HS3ST4: variants seen among roughly 807,000 people sequenced by gnomAD.
HS3ST4 encodes the protein heparan sulfate-glucosamine 3-sulfotransferase 4.
In HS3ST4, 17 loss-of-function variants were observed where a neutral mutation model predicts 29.2. That is an observed-to-expected ratio of 0.58 (90% confidence interval 0.40 to 0.87). The LOEUF (loss-of-function observed/expected upper bound fraction) is 0.87, where lower values mean the gene tolerates loss of function less well. Ranked by LOEUF, HS3ST4 falls within the 40% of genes least tolerant of loss-of-function variation. HS3ST4 has a pLI of 0.00. For missense variants in HS3ST4, 627 were observed against 634.5 expected, an observed-to-expected ratio of 0.99 and a Z score of 0.13; for synonymous variants, 314 against 285.7, an observed-to-expected ratio of 1.10 and a Z score of -1.00.
chr16:26,006,300 G>GAAAAAA (rs11461863), intron 1 of HS3ST4, among the ~76,000 whole-genome samples: 3 of 68,662 alleles, frequency 4.4e-5, no homozygotes, highest in African/African-American at 1.2e-4. Flanking sequence ...CTCTGTTTCA[G>GAAAAAA]AAAAAAAAAA....
chr16:26,043,563 T>A (rs1459822279), intron 1 of HS3ST4, among the ~76,000 whole-genome samples: 1 of 152,140 alleles, frequency 6.6e-6, no homozygotes, highest in Non-Finnish European at 1.5e-5. Context: ...CTAGTGAGGA[T>A]TAAGTGAGGT....
chr16:25,762,123 A>G (rs944362928), intron 1 of HS3ST4, among the ~76,000 whole-genome samples: 1 of 152,134 alleles, frequency 6.6e-6, no homozygotes, highest in Non-Finnish European at 1.5e-5. Context: ...CCATAAGAGG[A>G]TGTAACCGAG....
chr16:25,712,083 T>C (rs1394441581), intron 1 of HS3ST4, among the ~76,000 whole-genome samples: 1 of 152,222 alleles, frequency 6.6e-6, no homozygotes, highest in African/African-American at 2.4e-5. Context: ...CTTTTACGTT[T>C]ATAAAAATGA....
intron 1 of HS3ST4, among the ~76,000 whole-genome samples, chr16:26,072,808 C>T (rs1898616714): frequency 6.6e-6 from 1 of 152,080 alleles, no homozygotes; most frequent in African/African-American, 2.4e-5. Flanking sequence ...TGAAGAAAAT[C>T]AGAAAAATTT....
At chr16:25,893,656 G>T (rs1397866969) in intron 1 of HS3ST4, among the ~76,000 whole-genome samples, 2 of 152,184 alleles carry the variant, frequency 1.3e-5, no homozygotes, top group African/African-American at 4.8e-5. Flanking sequence ...GACCCAGTTG[G>T]GGTCATATAC....
At chr16:25,926,901 A>G (rs966236864) in intron 1 of HS3ST4, among the ~76,000 whole-genome samples, 9 of 151,772 alleles carry the variant, frequency 5.9e-5, no homozygotes, top group Non-Finnish European at 1.0e-4. Flanking sequence ...GTTAGCAAGC[A>G]CCCCCATTTT....
chr16:25,954,144 C>T (rs1968705774), intron 1 of HS3ST4, among the ~76,000 whole-genome samples: 1 of 152,188 alleles, frequency 6.6e-6, no homozygotes, highest in African/African-American at 2.4e-5. Context: ...TGCTTTGCTC[C>T]TTGCTGACTG....
At chr16:25,747,517 A>G (rs1420234263) in intron 1 of HS3ST4, among the ~76,000 whole-genome samples, 2 of 152,196 alleles carry the variant, frequency 1.3e-5, no homozygotes, top group African/African-American at 4.8e-5. Context: ...AGCTACCCTC[A>G]CTGGCATAGC....
intron 1 of HS3ST4, chr16:25,826,124 A>G (rs1002835777): frequency 6.6e-6 from 1 of 152,212 alleles, no homozygotes; most frequent in Non-Finnish European, 1.5e-5. Context: ...GTTTTTTCCT[A>G]GAACTTGCTC....
At chr16:26,075,838 AT>A (rs1175140081) in intron 1 of HS3ST4, among the ~76,000 whole-genome samples, 1 of 152,166 alleles carries the variant, frequency 6.6e-6, no homozygotes, top group African/African-American at 2.4e-5. Context: ...AATATTGGAC[AT>A]CCCCTTTTTT....
intron 1 of HS3ST4, among the ~76,000 whole-genome samples, chr16:25,938,266 G>GT (rs1968536951): frequency 6.6e-6 from 1 of 152,182 alleles, no homozygotes; most frequent in East Asian, 1.9e-4. Flanking sequence ...AAGCTCTCCG[G>GT]AACAGCTGGG....
At chr16:26,092,331 A>G (rs1385002786) in intron 1 of HS3ST4, among the ~76,000 whole-genome samples, 1 of 152,148 alleles carries the variant, frequency 6.6e-6, no homozygotes, top group Non-Finnish European at 1.5e-5. Context: ...ACTTGACCAA[A>G]GAGAAACATG....
chr16:25,783,643 G>T (rs938566919), intron 1 of HS3ST4, among the ~76,000 whole-genome samples: 2 of 152,064 alleles, frequency 1.3e-5, no homozygotes, highest in African/African-American at 2.4e-5. Flanking sequence ...AGCCGCTGAG[G>T]TTAATTTTTT....
At chr16:25,944,508 T>C (rs545938954) in intron 1 of HS3ST4, among the ~76,000 whole-genome samples, 1 of 152,244 alleles carries the variant, frequency 6.6e-6, no homozygotes, top group Non-Finnish European at 1.5e-5. Flanking sequence ...TAATGTTTGT[T>C]AATGATATTG....
chr16:25,707,774 C>T (rs1966385545), intron 1 of HS3ST4, among the ~76,000 whole-genome samples: 1 of 152,186 alleles, frequency 6.6e-6, no homozygotes, highest in Non-Finnish European at 1.5e-5. Context: ...CATGGCCCTG[C>T]CCCAGGGCCT....
At position 26,136,480 on chromosome 16, in the gene HS3ST4, G is replaced by A. The variant is rs1272066567; in HGVS notation, c.*232G>A. 5.3e-6 allele frequency: 3 copies of A among 569,540 alleles called. No homozygotes were observed. In the African/African-American group the frequency reaches 5.6e-5, roughly 11 times the overall value. 35.3% of individuals were successfully genotyped at this position (569,540 alleles called of 1,614,324 possible). A position where few individuals can be genotyped will look rare whatever the true frequency, so the allele number is the denominator to read the frequency against. On this transcript the variant is annotated 3_prime_UTR_variant, in exon 2 of 2. Coordinates refer to ENST00000331351, the MANE Select transcript of HS3ST4 (RefSeq NM_006040.3). ...GGCAGCAGCATCTGGTTGACCAGAT[G>A]GCCACCAGAACCCACTGTTCATTCT...
intron 1 of HS3ST4, among the ~76,000 whole-genome samples, chr16:25,989,976 A>C (rs1969100467): frequency 6.6e-6 from 1 of 152,202 alleles, no homozygotes; most frequent in Non-Finnish European, 1.5e-5. Context: ...TATACCTGCC[A>C]TTGTTTCCAT....
chr16:25,831,425 A>ACAC (rs1039620820), intron 1 of HS3ST4, among the ~76,000 whole-genome samples: 2 of 149,880 alleles, frequency 1.3e-5, no homozygotes, highest in Admixed American at 6.6e-5. Flanking sequence ...ACACACACAC[A>ACAC]CACACACACA....
chr16:25,874,459 G>GA (rs982235146), intron 1 of HS3ST4, among the ~76,000 whole-genome samples: 5 of 152,108 alleles, frequency 3.3e-5, no homozygotes, highest in South Asian at 2.1e-4. Context: ...TTGGATGCAG[G>GA]AAAAAAACAG....
Sources: allele counts gnomAD v4.1 joint callset (sites outside exome capture counted in the v4.1 genomes callset), GRCh38; gene constraint gnomAD v4.1.1; transcripts MANE v1.5; gene names NCBI Gene and HGNC (gene_info 2026-07-23, HGNC 2026-07-21).